EXOC6B: variants seen among roughly 807,000 people sequenced by gnomAD.
EXOC6B encodes exocyst complex component 6B, also known as SEC15 homolog B.
EXOC6B carries 54 observed loss-of-function variants against 113.5 expected under a neutral mutation model. The ratio of observed to expected loss-of-function variants is 0.48; its 90% confidence interval spans 0.38 to 0.60. EXOC6B has a LOEUF of 0.60. Ranked by LOEUF, EXOC6B falls within the 20% of genes least tolerant of loss-of-function variation. The pLI is 0.00. For missense variants in EXOC6B, 797 were observed against 977.5 expected (o/e 0.82, Z 2.46); for synonymous variants, 357 against 339.0 (o/e 1.05, Z -0.58).
chr2:72,567,698 A>G (rs1704268385), intron 7 of EXOC6B, among the ~76,000 whole-genome samples: 1 of 152,104 alleles, frequency 6.6e-6, no homozygotes, highest in African/African-American at 2.4e-5. Flanking sequence ...AAGAGAAATT[A>G]AAGAAAAGAG....
chr2:72,320,815 A>G (rs1436259989), intron 20 of EXOC6B, among the ~76,000 whole-genome samples: 1 of 152,230 alleles, frequency 6.6e-6, no homozygotes, highest in Non-Finnish European at 1.5e-5. Flanking sequence ...CATATAAAAA[A>G]CTTTCACTAC....
At chr2:72,744,943 A>C (rs1009925396) in intron 1 of EXOC6B, among the ~76,000 whole-genome samples, 3 of 152,184 alleles carry the variant, frequency 2.0e-5, no homozygotes, top group Non-Finnish European at 4.4e-5. Context: ...TCATCTTAGC[A>C]CTGTAATTAG....
chr2:72,741,057 T>C (rs1262876850), intron 2 of EXOC6B, among the ~76,000 whole-genome samples: 1 of 148,972 alleles, frequency 6.7e-6, no homozygotes, highest in Non-Finnish European at 1.5e-5. Context: ...TGAACCGAGA[T>C]CGCACCACTG....
intron 20 of EXOC6B, among the ~76,000 whole-genome samples, chr2:72,251,183 C>T (rs768713866): frequency 2.2e-4 from 30 of 135,878 alleles, no homozygotes; most frequent in Non-Finnish European, 5.1e-4. Flanking sequence ...TGTTCCTGAT[C>T]TTGTTCTTTG....
At chr2:72,262,588 C>T (rs943719261) in intron 20 of EXOC6B, among the ~76,000 whole-genome samples, 2 of 152,250 alleles carry the variant, frequency 1.3e-5, no homozygotes, top group East Asian at 1.9e-4. Context: ...GCTATACTCA[C>T]CTTTTAATCA....
At chr2:72,283,472 G>A (rs1685252255) in intron 20 of EXOC6B, among the ~76,000 whole-genome samples, 1 of 152,194 alleles carries the variant, frequency 6.6e-6, no homozygotes, top group South Asian at 2.1e-4. Flanking sequence ...CAGTGCTGCA[G>A]TAGGAAAACT....
chr2:72,191,656 A>T (rs760352195), intron 20 of EXOC6B, among the ~76,000 whole-genome samples: 5 of 152,214 alleles, frequency 3.3e-5, no homozygotes, highest in Non-Finnish European at 7.3e-5. Flanking sequence ...CCAAAGTGGA[A>T]ACCAGTCCAA....
intron 20 of EXOC6B, among the ~76,000 whole-genome samples, chr2:72,185,591 G>GGCC (rs1316946269): frequency 1.3e-5 from 2 of 152,144 alleles, no homozygotes; most frequent in African/African-American, 2.4e-5. Flanking sequence ...GGTCCCAAAC[G>GGCC]GCCCCTCAGG....
At chr2:72,661,870 C>T (rs915023520) in intron 6 of EXOC6B, among the ~76,000 whole-genome samples, 2 of 151,924 alleles carry the variant, frequency 1.3e-5, no homozygotes, top group East Asian at 3.9e-4. Flanking sequence ...TGATACTAAT[C>T]GACATCAGTA....
At chr2:72,466,343 T>C (rs1376013395) in intron 17 of EXOC6B, among the ~76,000 whole-genome samples, 3 of 100,264 alleles carry the variant, frequency 3.0e-5, no homozygotes, top group Admixed American at 2.2e-4. Flanking sequence ...AGACTCCACC[T>C]CAAAAAAAAA....
chr2:72,329,152 C>T (rs977365119), intron 20 of EXOC6B, among the ~76,000 whole-genome samples: 1 of 152,104 alleles, frequency 6.6e-6, no homozygotes, highest in Admixed American at 6.6e-5. Context: ...CTTTCCCCTG[C>T]TACCTACCCC....
At chr2:72,355,756 A>G (rs1243383924) in intron 19 of EXOC6B, among the ~76,000 whole-genome samples, 2 of 152,244 alleles carry the variant, frequency 1.3e-5, no homozygotes, top group Non-Finnish European at 2.9e-5. Context: ...TAAGGGATTG[A>G]AAATTATTGA....
intron 20 of EXOC6B, among the ~76,000 whole-genome samples, chr2:72,234,739 G>A (rs1681847507): frequency 6.6e-6 from 1 of 152,042 alleles, no homozygotes; most frequent in African/African-American, 2.4e-5. Context: ...TAAAATGTGG[G>A]CAAAGGACAT....
intron 6 of EXOC6B, among the ~76,000 whole-genome samples, chr2:72,663,068 T>C (rs1675137153): frequency 6.6e-6 from 1 of 152,144 alleles, no homozygotes; most frequent in African/African-American, 2.4e-5. Flanking sequence ...GACCCAGCGA[T>C]CTCATTCCAC....
At chr2:72,367,683 C>T (rs936962918) in intron 19 of EXOC6B, among the ~76,000 whole-genome samples, 1 of 152,192 alleles carries the variant, frequency 6.6e-6, no homozygotes, top group Non-Finnish European at 1.5e-5. Flanking sequence ...ACCCCTCCCC[C>T]ATCCCCTGGC....
At chr2:72,362,586 A>C (rs1690384333) in intron 19 of EXOC6B, among the ~76,000 whole-genome samples, 1 of 152,134 alleles carries the variant, frequency 6.6e-6, no homozygotes, top group Non-Finnish European at 1.5e-5. Context: ...TTTCTAGTTT[A>C]TTGATGGGCT....
chr2:72,655,684 T>G (rs368122834), intron 6 of EXOC6B, among the ~76,000 whole-genome samples: 18 of 152,108 alleles, frequency 1.2e-4, no homozygotes, highest in African/African-American at 3.6e-4. Context: ...CGCCTGGCAA[T>G]AAGCACTAAA....
At chr2:72,408,911 A>C (rs190409716) in intron 18 of EXOC6B, among the ~76,000 whole-genome samples, 303 of 152,274 alleles carry the variant, frequency 2.0e-3, no homozygotes, top group African/African-American at 7.0e-3. Flanking sequence ...AAAGGAACTA[A>C]CATCAGAGTG....
At chr2:72,229,007 T>C (rs899919820) in intron 20 of EXOC6B, among the ~76,000 whole-genome samples, 14 of 152,250 alleles carry the variant, frequency 9.2e-5, no homozygotes, top group African/African-American at 3.4e-4. Flanking sequence ...TGCATTTCTC[T>C]GATGGCCAGT....
Sources: allele counts gnomAD v4.1 joint callset (sites outside exome capture counted in the v4.1 genomes callset), GRCh38; gene constraint gnomAD v4.1.1; transcripts MANE v1.5; gene names NCBI Gene and HGNC (gene_info 2026-07-23, HGNC 2026-07-21).